PPP1R42: variants seen among roughly 807,000 people sequenced by gnomAD.
The protein encoded by PPP1R42 is leucine rich repeat containing 67.
Under a neutral mutation model 31.0 loss-of-function variants are expected in PPP1R42, and 34 were observed. The ratio of observed to expected loss-of-function variants is 1.10; its 90% CI spans 0.83 to 1.46. PPP1R42 has a LOEUF of 1.46. Among genes scored for constraint, PPP1R42 ranks in the 40% most tolerant of loss-of-function variants. The pLI is 0.00. For missense variants in PPP1R42, 268 were observed against 303.0 expected (o/e 0.88, Z 0.86); for synonymous variants, 103 against 109.8 (o/e 0.94, Z 0.39).
At chr8:66,971,709 A>C (rs1805537433) in intron 7 of PPP1R42, among the ~76,000 whole-genome samples, 1 of 152,238 alleles carries the variant, frequency 6.6e-6, no homozygotes, top group Non-Finnish European at 1.5e-5. Context: ...AAAAGATGTG[A>C]GTATAATATT....
chr8:67,017,373 A>G, intron 2 of PPP1R42, among the ~76,000 whole-genome samples: 1 of 152,138 alleles, frequency 6.6e-6, no homozygotes, highest in East Asian at 1.9e-4. Flanking sequence ...ACATGCCTGT[A>G]ATCCCAGCTA....
At chr8:66,998,553 C>G (rs1191833137) in intron 5 of PPP1R42, among the ~76,000 whole-genome samples, 6 of 152,088 alleles carry the variant, frequency 3.9e-5, no homozygotes, top group Non-Finnish European at 8.8e-5. Context: ...CATTTTTTGG[C>G]CTTATTGCAC....
intron 1 of PPP1R42, among the ~76,000 whole-genome samples, chr8:67,018,502 C>A (rs1041505290): frequency 6.6e-6 from 1 of 150,602 alleles, no homozygotes; most frequent in African/African-American, 2.4e-5. Context: ...TAGGCATGAT[C>A]ATAGTGCACT....
At chr8:66,970,967 T>A in intron 7 of PPP1R42, 1 of 1,507,606 alleles carries the variant, frequency 6.6e-7, no homozygotes, top group Non-Finnish European at 8.9e-7. Context: ...ACATAAATAT[T>A]TGAAAGAACC....
intron 5 of PPP1R42, among the ~76,000 whole-genome samples, chr8:66,989,630 A>T (rs1167369343): frequency 6.6e-6 from 1 of 152,230 alleles, no homozygotes; most frequent in Non-Finnish European, 1.5e-5. Context: ...TGCAAAGAAC[A>T]TGGGAGTGCA....
chr8:66,969,648 T>G (rs1398316010), intron 7 of PPP1R42, among the ~76,000 whole-genome samples: 4 of 152,170 alleles, frequency 2.6e-5, no homozygotes, highest in Non-Finnish European at 5.9e-5. Context: ...CAGGGCTTCT[T>G]GAGGTGGGCT....
At position 67,010,767 on chromosome 8, in the gene PPP1R42, A is replaced by G; in HGVS notation, c.500T>C (p.Leu167Pro). The G allele has an allele frequency of 6.2e-7, 1 of 1,608,096 alleles. No individual in the cohort carries two copies. Among genetic ancestry groups the G allele is most frequent in the Non-Finnish European group, 8.5e-7 (1 of 1,177,340 alleles). Residue 167 changes from leucine to proline, a missense_variant, in exon 5 of 8, where the codon CTA becomes CCA. By Grantham distance (98) the Leu-to-Pro change is moderately conservative. Transcript: ENST00000685739. ...GGCTATGAGCTGATTAAGATTCTCTAGTAGTTCTAAGTCTGTAATGTCATC... is the reference window on the plus strand; with the variant it reads ...GGCTATGAGCTGATTAAGATTCTCTGGTAGTTCTAAGTCTGTAATGTCATC... ...NIDDITDLEL[L>P]ENLNQLIAVD...
chr8:67,017,778 A>C lies in PPP1R42; in HGVS notation c.-31T>G. 6.4e-7 allele frequency: 1 copy of C among 1,552,310 alleles called. No individual in the cohort carries two copies. The highest frequency in any genetic ancestry group is 8.7e-7 in the Non-Finnish European group (1 of 1,153,910). ...CTTTATAAATCAAACTCTCAGCAAA[A>C]GCTCTGTTTTGACACCATGTCAAGA... On this transcript the variant is annotated 5_prime_UTR_variant, in exon 2 of 8. Coordinates refer to ENST00000685739, the MANE Select transcript of PPP1R42 (RefSeq NM_001364910.1).
intron 3 of PPP1R42, 72 bp downstream of exon 3, chr8:67,014,354 C>A: frequency 1.2e-6 from 1 of 845,992 alleles, no homozygotes; most frequent in Non-Finnish European, 1.7e-6. Flanking sequence ...AATGGAAATG[C>A]CTTCATGCAA....
chr8:66,974,644 A>G (rs1015844388), intron 7 of PPP1R42, among the ~76,000 whole-genome samples: 1 of 152,192 alleles, frequency 6.6e-6, no homozygotes, highest in African/African-American at 2.4e-5. Context: ...ACTGACATTG[A>G]GTATTTCTTC....
At chr8:66,981,954 AAAC>A in intron 7 of PPP1R42, 92 bp downstream of exon 7, 1 of 1,214,616 alleles carries the variant, frequency 8.2e-7, no homozygotes, top group Non-Finnish European at 1.0e-6. Context: ...ACAAAAAACT[AAAC>A]AAAAACTATT....
intron 7 of PPP1R42, among the ~76,000 whole-genome samples, chr8:66,976,807 G>T (rs1218596657): frequency 6.6e-6 from 1 of 151,974 alleles, no homozygotes; most frequent in Non-Finnish European, 1.5e-5. Flanking sequence ...CCATTCATCT[G>T]TTGGACACTT....
intron 5 of PPP1R42, among the ~76,000 whole-genome samples, chr8:66,997,542 CTT>C (rs34949630): frequency 4.7e-4 from 60 of 127,596 alleles, no homozygotes; most frequent in African/African-American, 1.3e-3. Flanking sequence ...CTGTGCCTGG[CTT>C]TTTTTTTTTT....
chr8:66,993,523 T>G (rs983120179), intron 5 of PPP1R42, among the ~76,000 whole-genome samples: 2 of 152,230 alleles, frequency 1.3e-5, no homozygotes, highest in African/African-American at 4.8e-5. Flanking sequence ...GCACATGCTG[T>G]TTTATTTGCC....
At chr8:67,009,395 C>T (rs1169104982) in intron 5 of PPP1R42, among the ~76,000 whole-genome samples, 1 of 151,816 alleles carries the variant, frequency 6.6e-6, no homozygotes, top group Non-Finnish European at 1.5e-5. Flanking sequence ...TGGTGAAATC[C>T]CATCTCTACT....
At chr8:67,015,810 A>G (rs1432147569) in intron 2 of PPP1R42, among the ~76,000 whole-genome samples, 1 of 152,218 alleles carries the variant, frequency 6.6e-6, no homozygotes, top group Non-Finnish European at 1.5e-5. Flanking sequence ...GCCTAGAGTA[A>G]ATAGACAAGC....
intron 6 of PPP1R42, chr8:66,985,846 AG>A: frequency 1.7e-6 from 2 of 1,202,030 alleles, no homozygotes; most frequent in Non-Finnish European, 2.4e-6. Context: ...ATGGAGGCCC[AG>A]GGATCACCTC....
intron 7 of PPP1R42, among the ~76,000 whole-genome samples, chr8:66,964,766 C>T (rs1420663406): frequency 1.3e-5 from 2 of 152,122 alleles, no homozygotes; most frequent in Non-Finnish European, 2.9e-5. Context: ...TCAACTATTT[C>T]TCTCATTGTT....
At chr8:67,028,376 C>T (rs1816466846) in intron 1 of PPP1R42, 115 bp downstream of exon 1, 1 of 448,414 alleles carries the variant, frequency 2.2e-6, no homozygotes. Context: ...AAAGATAGGG[C>T]CCAAGGATCT....
Sources: gnomAD v4.1 joint callset for allele counts (sites outside exome capture counted in the v4.1 genomes callset) on GRCh38, gnomAD v4.1.1 for gene constraint, MANE v1.5 for transcripts, NCBI Gene and HGNC (gene_info 2026-07-23, HGNC 2026-07-21) for gene names.